The following CELF2 variants were observed in gnomAD, a reference collection of about 807,000 sequenced individuals.
The protein encoded by CELF2 is CUGBP Elav-like family member 2, also known as CUG triplet repeat RNA-binding protein 2.
Under a neutral mutation model 62.6 loss-of-function variants are expected in CELF2, and 8 were observed. The ratio of observed to expected loss-of-function variants is 0.13; its 90% confidence interval spans 0.07 to 0.23. The LOEUF (loss-of-function observed/expected upper bound fraction) is 0.23. Among genes scored for constraint, CELF2 ranks in the 10% least tolerant of loss-of-function variants. The pLI is 1.00. For synonymous variants in CELF2, 258 were observed against 250.0 expected, an observed-to-expected ratio of 1.03 and a Z score of -0.30; for missense variants, 333 against 671.0, an observed-to-expected ratio of 0.50 and a Z score of 5.56.
rs1201535039 is a variant in CELF2 at position 11,177,447 on chromosome 10, G to T, written c.271+11765G>T. ...AAAAAAAAAAAAAAGAGAAAATTAG[G>T]TTATTAAAAGGAGGATATGAACCAA... On this transcript the variant is annotated intron_variant, in intron 2 of 12. Coordinates refer to ENST00000633077, the MANE Select transcript of CELF2 (RefSeq NM_001326342.2). The surrounding 1 kb of genome is among the most constrained non-coding windows in gnomAD (Gnocchi z 4.8). Among the ~76,000 whole-genome samples, 1 of 151,586 alleles carries T rather than the reference G, an allele frequency of 6.6e-6. No homozygotes were observed. The highest frequency in any genetic ancestry group is 1.5e-5 in the Non-Finnish European group (1 of 67,948).
rs572879065 is a variant in CELF2 at position 10,938,945 on chromosome 10, G to A, written c.89+18946G>A. On this transcript the variant is annotated intron_variant, in intron 2 of 13. Transcript: ENST00000636488. The surrounding 1 kb of genome is among the most constrained non-coding windows in gnomAD (Gnocchi z 4.2). ...GTCTTTCTCCATGCCTAGGCCAAGC[G>A]CTCCTGCAGCAGCAAAATCCCTCTC... is the stretch of plus-strand genomic sequence containing the variant. Among the ~76,000 whole-genome samples, 28 of 152,290 alleles carry A rather than the reference G, an allele frequency of 1.8e-4. No homozygotes were observed. The highest frequency in any genetic ancestry group is 3.1e-4 in the Non-Finnish European group (21 of 68,030).
chr10:10,634,183 C>T, the CELF2 span, among the ~76,000 whole-genome samples: 1 of 151,928 alleles, frequency 6.6e-6, no homozygotes, highest in Non-Finnish European at 1.5e-5. Flanking sequence ...TTTTTCTATC[C>T]ATGAACATAG....
chr10:10,700,383 G>A, the CELF2 span, among the ~76,000 whole-genome samples: 61 of 152,164 alleles, frequency 4.0e-4, no homozygotes, highest in Non-Finnish European at 7.3e-4. Context: ...TGAAGGATGC[G>A]CCATACCAAA....
chr10:10,466,433 AGTTTGTTCATCT>A, the CELF2 span, among the ~76,000 whole-genome samples: 1 of 152,106 alleles, frequency 6.6e-6, no homozygotes, highest in Non-Finnish European at 1.5e-5. Flanking sequence ...AATAAGCAAT[AGTTTGTTCATCT>A]GTTCACCTGT....
upstream of CELF2, among the ~76,000 whole-genome samples, chr10:10,795,944 G>C (rs117322349): frequency 0.027 from 4,121 of 152,066 alleles, 84 homozygotes; most frequent in Middle Eastern, 0.058. Context: ...TCCCTATCCT[G>C]ATCCTAACCC....
chr10:10,657,851 C>A, the CELF2 span, among the ~76,000 whole-genome samples: 1 of 152,142 alleles, frequency 6.6e-6, no homozygotes, highest in African/African-American at 2.4e-5. Flanking sequence ...TGAGCTATTT[C>A]ATAAGCAAAT....
chr10:11,175,724 T>C (rs145980120), intron 2 of CELF2, among the ~76,000 whole-genome samples: 2 of 152,290 alleles, frequency 1.3e-5, no homozygotes, highest in African/African-American at 4.8e-5. Flanking sequence ...ACCGTTTTAA[T>C]GTTGAACTGA....
chr10:11,050,151 C>T (rs1480019000), intron 1 of CELF2, among the ~76,000 whole-genome samples: 3 of 152,164 alleles, frequency 2.0e-5, no homozygotes, highest in Non-Finnish European at 2.9e-5. Context: ...GGGCAGGGAA[C>T]TGAATGGCAC....
chr10:11,058,146 C>T (rs1024918338), intron 1 of CELF2, among the ~76,000 whole-genome samples: 1 of 151,080 alleles, frequency 6.6e-6, no homozygotes, highest in Non-Finnish European at 1.5e-5. Context: ...ATGTTCCAGT[C>T]GAGTTGTAGT....
the CELF2 span, among the ~76,000 whole-genome samples, chr10:10,563,649 T>A: frequency 1.3e-5 from 2 of 150,234 alleles, no homozygotes; most frequent in African/African-American, 4.9e-5. Context: ...AGATAGAGAT[T>A]CTAAGAAATT....
intron 2 of CELF2, among the ~76,000 whole-genome samples, chr10:10,937,836 T>G (rs1482430195): frequency 2.0e-5 from 3 of 152,150 alleles, no homozygotes; most frequent in Non-Finnish European, 2.9e-5. Flanking sequence ...AGTGTATGAA[T>G]GTATATATAT....
rs2064862443 is a variant in CELF2 at position 11,157,865 on chromosome 10, G to A, written c.75-7621G>A. On this transcript the variant is annotated intron_variant, in intron 1 of 12. Transcript: ENST00000633077. This position sits in a 1 kb window ranked among gnomAD's most constrained non-coding sequence, Gnocchi z 4.9. Reference sequence around the variant, plus strand: ...AAGTCCAGGCAAAGTATCTTCAGTGGTGAAAACAGAAGTTACCTGCCTTGA... The same window carrying A: ...AAGTCCAGGCAAAGTATCTTCAGTGATGAAAACAGAAGTTACCTGCCTTGA... Among the ~76,000 whole-genome samples the A allele has an allele frequency of 6.6e-6, 1 of 152,218 alleles. No individual in the cohort carries two copies. Among genetic ancestry groups the A allele is most frequent in the Admixed American group, 6.5e-5 (1 of 15,286 alleles).
chr10:11,095,906 C>T (rs1369735604), intron 1 of CELF2, among the ~76,000 whole-genome samples: 1 of 151,664 alleles, frequency 6.6e-6, no homozygotes, highest in Non-Finnish European at 1.5e-5. Context: ...TTAAGGAAAA[C>T]TATATTTAAA....
intron 3 of CELF2, among the ~76,000 whole-genome samples, chr10:11,238,716 A>G (rs2072553952): frequency 6.6e-6 from 1 of 152,228 alleles, no homozygotes; most frequent in Non-Finnish European, 1.5e-5. Context: ...TATCACTAAT[A>G]TAGTAAAAAT....
chr10:11,238,735 GA>G (rs1262129479), intron 3 of CELF2, among the ~76,000 whole-genome samples: 7 of 152,224 alleles, frequency 4.6e-5, no homozygotes, highest in Admixed American at 2.6e-4. Flanking sequence ...ATATTTCTAA[GA>G]AAAATTGAAC....
In CELF2 at chr10:11,202,901, A is replaced by ATC. The variant is rs56373613; in HGVS notation, c.272-14474_272-14473dup. Among the ~76,000 whole-genome samples the ATC allele has an allele frequency of 9.6e-3, 679 of 70,586 alleles. 6 individuals carry two copies. The highest frequency in any genetic ancestry group is 0.045 in the East Asian group (80 of 1,774). The allele number at this position is 70,586 out of a possible 152,430, so 46.3% of individuals were successfully genotyped here. A position where few individuals can be genotyped will look rare whatever the true frequency, so the allele number is the denominator to read the frequency against. ...TGCCTGCCTTCCCACCCCCATCCTC[A>ATC]TCTCTCTCTCTCTCTCTCTCTCTCT... On this transcript the variant is annotated intron_variant, in intron 2 of 12. Coordinates refer to ENST00000633077, the MANE Select transcript of CELF2 (RefSeq NM_001326342.2).
chr10:10,769,996 G>A, the CELF2 span, among the ~76,000 whole-genome samples: 1 of 151,968 alleles, frequency 6.6e-6, no homozygotes, highest in Admixed American at 6.6e-5. Flanking sequence ...GGTGATGGGG[G>A]GTTAGAAAGA....
intron 2 of CELF2, among the ~76,000 whole-genome samples, chr10:11,175,749 CGAT>C (rs925236075): frequency 2.0e-5 from 3 of 152,100 alleles, no homozygotes; most frequent in African/African-American, 2.4e-5. Flanking sequence ...AGAACAGAAA[CGAT>C]GAAAAATGTG....
chr10:11,064,899 A>G (rs928199678), intron 1 of CELF2, among the ~76,000 whole-genome samples: 4 of 152,230 alleles, frequency 2.6e-5, no homozygotes, highest in Non-Finnish European at 5.9e-5. Flanking sequence ...GACCAGGTAG[A>G]AAAATACTGC....
Sources: gnomAD v4.1 joint callset for allele counts (sites outside exome capture counted in the v4.1 genomes callset) on GRCh38, gnomAD v4.1.1 for gene constraint, Gnocchi (gnomAD v3.1) non-coding constraint, MANE v1.5 for transcripts, NCBI Gene and HGNC (gene_info 2026-07-23, HGNC 2026-07-21) for gene names.